Variants in KCNH7 observed in about 807,000 individuals in gnomAD.
KCNH7 encodes the protein potassium voltage-gated channel subfamily H member 7.
Under a neutral mutation model 120.8 loss-of-function variants are expected in KCNH7, and 49 were observed. The observed-to-expected ratio is 0.41, with a 90% CI of 0.32 to 0.51. The LOEUF (loss-of-function observed/expected upper bound fraction) is 0.51. Among genes scored for constraint, KCNH7 ranks in the 20% least tolerant of loss-of-function variants. The probability of loss-of-function intolerance (pLI) is 0.38; values close to 1 mark genes in which losing one functional copy is unlikely to be tolerated. For missense variants in KCNH7, 1,097 were observed against 1,446.6 expected (o/e 0.76, Z 3.92); for synonymous variants, 547 against 516.1 (o/e 1.06, Z -0.81).
At chr2:162,441,002 A>G (rs1223280419) in intron 7 of KCNH7, among the ~76,000 whole-genome samples, 2 of 152,146 alleles carry the variant, frequency 1.3e-5, no homozygotes, top group East Asian at 3.8e-4. Flanking sequence ...AATCAATCAC[A>G]TACAAACGAA....
chr2:162,391,538 C>G (rs1686745780), intron 12 of KCNH7, among the ~76,000 whole-genome samples: 1 of 151,822 alleles, frequency 6.6e-6, no homozygotes, highest in African/African-American at 2.4e-5. Context: ...CTTCAAAGAG[C>G]TGCAGGCAGA....
At chr2:162,747,416 T>G (rs1688353362) in intron 2 of KCNH7, among the ~76,000 whole-genome samples, 1 of 152,200 alleles carries the variant, frequency 6.6e-6, no homozygotes, top group African/African-American at 2.4e-5. Context: ...CCAAGTGTTT[T>G]CAGAAGCAAG....
intron 4 of KCNH7, among the ~76,000 whole-genome samples, chr2:162,513,738 C>T (rs1043286776): frequency 2.7e-4 from 41 of 151,484 alleles, no homozygotes; most frequent in Non-Finnish European, 4.6e-4. Context: ...TTAAAAATAG[C>T]AAATATAACT....
At chr2:162,722,084 T>C (rs576802910) in intron 2 of KCNH7, among the ~76,000 whole-genome samples, 1 of 152,158 alleles carries the variant, frequency 6.6e-6, no homozygotes, top group African/African-American at 2.4e-5. Flanking sequence ...ACTAGTGTAA[T>C]AGTCAATACC....
rs1242957987 is a variant in KCNH7, at chr2:162,586,572, G to GT, written c.308-49493dup. Among the ~76,000 whole-genome samples, 8 of 151,684 alleles carry GT rather than the reference G, an allele frequency of 5.3e-5. No individual in the cohort carries two copies. The East Asian group carries it at 1.6e-3, about 30-fold the overall frequency. Reference sequence around the variant, plus strand: ...TTGCAGAATCATGAGCAAATAAATGGTTTTTGTTTTAAGCCACTAAATTTG... The same window carrying GT: ...TTGCAGAATCATGAGCAAATAAATGGTTTTTTGTTTTAAGCCACTAAATTTG... On this transcript the variant is annotated intron_variant, in intron 2 of 15. Transcript: ENST00000332142.
At chr2:162,538,129 C>G (rs1212806445) in intron 2 of KCNH7, 1 of 152,064 alleles carries the variant, frequency 6.6e-6, no homozygotes, top group Non-Finnish European at 1.5e-5. Flanking sequence ...CTTGTCCAAC[C>G]CCGTGGCCTG....
At chr2:162,592,820 A>G (rs1478148053) in intron 2 of KCNH7, among the ~76,000 whole-genome samples, 1 of 152,082 alleles carries the variant, frequency 6.6e-6, no homozygotes, top group Non-Finnish European at 1.5e-5. Context: ...ACGTTTACAA[A>G]TAGAAATGTG....
At chr2:162,649,966 A>G (rs1016132942) in intron 2 of KCNH7, among the ~76,000 whole-genome samples, 1 of 152,164 alleles carries the variant, frequency 6.6e-6, no homozygotes, top group Non-Finnish European at 1.5e-5. Flanking sequence ...AAAGCAAAGG[A>G]ATGCAGTAAA....
At chr2:162,485,762 T>C (rs1258536748) in intron 6 of KCNH7, among the ~76,000 whole-genome samples, 1 of 152,108 alleles carries the variant, frequency 6.6e-6, no homozygotes, top group African/African-American at 2.4e-5. Context: ...TAAAAACCCA[T>C]GAATAATGGA....
At chr2:162,496,435 T>C (rs949550811) in intron 6 of KCNH7, among the ~76,000 whole-genome samples, 7 of 152,116 alleles carry the variant, frequency 4.6e-5, no homozygotes, top group Admixed American at 1.3e-4. Context: ...CTGGAATTCA[T>C]GCCTTATACA....
intron 6 of KCNH7, among the ~76,000 whole-genome samples, chr2:162,463,926 A>T (rs1010902148): frequency 2.6e-5 from 4 of 152,034 alleles, no homozygotes; most frequent in African/African-American, 4.8e-5. Flanking sequence ...GAGAAAACAA[A>T]TCATGTATTC....
chr2:162,467,189 A>C (rs1254139597), intron 6 of KCNH7, among the ~76,000 whole-genome samples: 1 of 152,214 alleles, frequency 6.6e-6, no homozygotes, highest in African/African-American at 2.4e-5. Context: ...AGCAGAAGTT[A>C]TCTTGTCACT....
chr2:162,602,537 C>T (rs1694592583), intron 2 of KCNH7, among the ~76,000 whole-genome samples: 1 of 152,088 alleles, frequency 6.6e-6, no homozygotes, highest in Admixed American at 6.6e-5. Flanking sequence ...AAGTCCATCG[C>T]TGCCATCACA....
intron 2 of KCNH7, among the ~76,000 whole-genome samples, chr2:162,746,115 A>G (rs1382690418): frequency 6.6e-6 from 1 of 152,234 alleles, no homozygotes; most frequent in East Asian, 1.9e-4. Flanking sequence ...TAAGTATAAA[A>G]CAATTATTTT....
chr2:162,531,463 A>G (rs1225116982), intron 3 of KCNH7, among the ~76,000 whole-genome samples: 2 of 152,010 alleles, frequency 1.3e-5, no homozygotes, highest in African/African-American at 4.8e-5. Flanking sequence ...TAAACTAGGT[A>G]TCCACCATCC....
chr2:162,540,745 A>G (rs922236876), intron 2 of KCNH7, among the ~76,000 whole-genome samples: 9 of 152,086 alleles, frequency 5.9e-5, no homozygotes, highest in Admixed American at 1.3e-4. Flanking sequence ...ACAGGAAGGC[A>G]CTGGAGAGTT....
chr2:162,794,974 A>AT (rs1684086274), intron 2 of KCNH7, among the ~76,000 whole-genome samples: 1 of 152,116 alleles, frequency 6.6e-6, no homozygotes, highest in African/African-American at 2.4e-5. Context: ...ATTATACTAC[A>AT]TTTTTTTAAT....
Position 162,838,687 on chromosome 2 carries a change from C to T in KCNH7, c.-169G>A. On this transcript the variant is annotated 5_prime_UTR_variant, in exon 1 of 16. Coordinates refer to ENST00000332142, the MANE Select transcript of KCNH7 (RefSeq NM_033272.4). ...GCACCACTTCTAGACACCCGCTTTC[C>T]CCACCGGAGTCCAATCCATTCCCCT... The T allele has an allele frequency of 1.8e-6, 1 of 546,066 alleles. No individual in the cohort carries two copies. Among genetic ancestry groups the T allele is most frequent in the Non-Finnish European group, 3.2e-6 (1 of 308,272 alleles). 33.8% of individuals were successfully genotyped at this position (546,066 alleles called of 1,614,324 possible).
intron 6 of KCNH7, among the ~76,000 whole-genome samples, chr2:162,469,016 A>G (rs895266835): frequency 2.0e-5 from 3 of 152,062 alleles, no homozygotes; most frequent in African/African-American, 7.2e-5. Flanking sequence ...ACATCTGCCT[A>G]ATTTTTTAAT....
Sources: gnomAD v4.1 joint callset for allele counts (sites outside exome capture counted in the v4.1 genomes callset) on GRCh38, gnomAD v4.1.1 for gene constraint, MANE v1.5 for transcripts, NCBI Gene and HGNC (gene_info 2026-07-23, HGNC 2026-07-21) for gene names.